CADPS2: variants seen among roughly 807,000 people sequenced by gnomAD.
CADPS2 encodes calcium-dependent secretion activator 2.
Under a neutral mutation model 172.5 loss-of-function variants are expected in CADPS2, and 93 were observed. The observed-to-expected ratio is 0.54, with a 90% CI of 0.46 to 0.64. The LOEUF is 0.64. CADPS2 is among the 30% of genes least tolerant of loss of function. The probability of loss-of-function intolerance (pLI) is 0.00; values close to 1 mark genes in which losing one functional copy is unlikely to be tolerated. For synonymous variants in CADPS2, 546 were observed against 555.2 expected (o/e 0.98, Z 0.23); for missense variants, 1,420 against 1,565.9 (o/e 0.91, Z 1.57).
intron 28 of CADPS2, among the ~76,000 whole-genome samples, chr7:122,328,165 G>A (rs996254743): frequency 2.5e-4 from 23 of 91,656 alleles, no homozygotes; most frequent in East Asian, 2.0e-3. Context: ...ACACACGCAC[G>A]CACACACCTT....
intron 2 of CADPS2, among the ~76,000 whole-genome samples, chr7:122,720,499 T>A (rs932273517): frequency 9.9e-5 from 15 of 151,166 alleles, no homozygotes; most frequent in Non-Finnish European, 2.1e-4. Flanking sequence ...TGTATATGTA[T>A]ATACGTATAA....
At chr7:122,359,811 C>T (rs929119053) in intron 27 of CADPS2, among the ~76,000 whole-genome samples, 10 of 151,952 alleles carry the variant, frequency 6.6e-5, no homozygotes, top group Non-Finnish European at 1.5e-4. Context: ...CCAAAGAAAC[C>T]CCATGCAAAG....
At chr7:122,441,943 C>G (rs2051409211) in intron 15 of CADPS2, among the ~76,000 whole-genome samples, 1 of 152,082 alleles carries the variant, frequency 6.6e-6, no homozygotes, top group African/African-American at 2.4e-5. Flanking sequence ...AAATAATTTC[C>G]CTCATTTCCT....
chr7:122,488,903 T>C (rs1309056633), intron 11 of CADPS2, among the ~76,000 whole-genome samples: 2 of 152,192 alleles, frequency 1.3e-5, no homozygotes, highest in Admixed American at 1.3e-4. Context: ...TCTTATCTGC[T>C]GTGCCATACT....
intron 1 of CADPS2, among the ~76,000 whole-genome samples, chr7:122,772,345 C>A (rs1355128398): frequency 6.6e-6 from 1 of 152,072 alleles, no homozygotes; most frequent in Non-Finnish European, 1.5e-5. Flanking sequence ...CATTTTGAAA[C>A]CATAAACTGA....
At chr7:122,431,522 C>T (rs1027657894) in intron 17 of CADPS2, among the ~76,000 whole-genome samples, 7 of 152,170 alleles carry the variant, frequency 4.6e-5, no homozygotes, top group Middle Eastern at 3.4e-3. Flanking sequence ...AAGATTTTAG[C>T]CCAGTGCAAA....
intron 29 of CADPS2, among the ~76,000 whole-genome samples, chr7:122,321,976 T>A (rs948363823): frequency 1.3e-5 from 2 of 152,258 alleles, no homozygotes; most frequent in Admixed American, 6.5e-5. Context: ...TAAGTTATTA[T>A]GACTAAGGTA....
At chr7:122,624,283 G>C (rs981652157) in intron 4 of CADPS2, among the ~76,000 whole-genome samples, 1 of 152,176 alleles carries the variant, frequency 6.6e-6, no homozygotes, top group African/African-American at 2.4e-5. Context: ...ACTCTTACAA[G>C]TCATGTGTTC....
intron 8 of CADPS2, among the ~76,000 whole-genome samples, chr7:122,530,086 T>A (rs2061627976): frequency 6.6e-6 from 1 of 152,058 alleles, no homozygotes; most frequent in South Asian, 2.1e-4. Context: ...TCATACTTAA[T>A]ACAAAAATAA....
chr7:122,432,563 C>T (rs1170342118), intron 17 of CADPS2, among the ~76,000 whole-genome samples: 2 of 149,732 alleles, frequency 1.3e-5, no homozygotes, highest in Non-Finnish European at 3.0e-5. Context: ...ACCACTTGAA[C>T]TCGGGAGGCG....
At chr7:122,397,797 G>T (rs1242729747) in intron 20 of CADPS2, among the ~76,000 whole-genome samples, 1 of 152,098 alleles carries the variant, frequency 6.6e-6, no homozygotes, top group East Asian at 1.9e-4. Flanking sequence ...ACAGTTCATT[G>T]TAAGAGGCAA....
At chr7:122,429,019 C>A (rs2049541905) in intron 17 of CADPS2, among the ~76,000 whole-genome samples, 1 of 151,990 alleles carries the variant, frequency 6.6e-6, no homozygotes, top group African/African-American at 2.4e-5. Context: ...GTAAACATGT[C>A]ACTTTAAGAA....
At chr7:122,816,987 C>T (rs538385781) in intron 1 of CADPS2, among the ~76,000 whole-genome samples, 1 of 151,532 alleles carries the variant, frequency 6.6e-6, no homozygotes, top group Non-Finnish European at 1.5e-5. Context: ...ACCCCCACTC[C>T]TGCCCGCCAG....
intron 1 of CADPS2, among the ~76,000 whole-genome samples, chr7:122,800,569 G>C (rs1797391500): frequency 6.6e-6 from 1 of 152,098 alleles, no homozygotes; most frequent in South Asian, 2.1e-4. Flanking sequence ...AACTGCCTGG[G>C]AACTACATTT....
rs150572879 is a variant in CADPS2 at position 122,719,449 on chromosome 7, T to C, written c.453+17506A>G. Among the ~76,000 whole-genome samples the C allele has an allele frequency of 5.5e-3, 841 of 152,218 alleles. 27 individuals carry two copies. The highest frequency in any genetic ancestry group is 0.04 in the Admixed American group (609 of 15,274). ...GTTCACACCAGAGCTGCCACCTTAG[T>C]GCACTGGCATGTGCAATGACGCCAA... On this transcript the variant is annotated intron_variant, in intron 2 of 29. Transcript: ENST00000449022.
intron 1 of CADPS2, among the ~76,000 whole-genome samples, chr7:122,809,229 G>A (rs900394762): frequency 2.6e-5 from 4 of 152,096 alleles, no homozygotes; most frequent in Non-Finnish European, 5.9e-5. Context: ...ACCTCCTAGT[G>A]TGAATCAGCT....
At chr7:122,372,984 T>C (rs1224368503) in intron 25 of CADPS2, among the ~76,000 whole-genome samples, 1 of 152,216 alleles carries the variant, frequency 6.6e-6, no homozygotes, top group Non-Finnish European at 1.5e-5. Context: ...CCCATTTCAT[T>C]AGAGGCAGAG....
chr7:122,817,506 GA>G (rs1429982756), intron 1 of CADPS2, among the ~76,000 whole-genome samples: 1 of 152,118 alleles, frequency 6.6e-6, no homozygotes, highest in Non-Finnish European at 1.5e-5. Context: ...CACAGACTGG[GA>G]AGGCAGCCTT....
intron 3 of CADPS2, among the ~76,000 whole-genome samples, chr7:122,638,221 C>A (rs117062013): frequency 0.035 from 5,378 of 152,236 alleles, 145 homozygotes; most frequent in Non-Finnish European, 0.049. Flanking sequence ...AGACTATACC[C>A]TTTCTGGAAA....
Sources: gnomAD v4.1 joint callset for allele counts (sites outside exome capture counted in the v4.1 genomes callset) on GRCh38, gnomAD v4.1.1 for gene constraint, MANE v1.5 for transcripts, NCBI Gene and HGNC (gene_info 2026-07-23, HGNC 2026-07-21) for gene names.